Variants in LSM5 observed in about 807,000 individuals in gnomAD.
The protein encoded by LSM5 is U6 snRNA-associated Sm-like protein LSm5.
A neutral mutation model predicts 13.8 loss-of-function variants in LSM5; 8 were observed. The ratio of observed to expected loss-of-function variants is 0.58; its 90% CI spans 0.34 to 1.04. LSM5 has a LOEUF of 1.04. Among genes scored for constraint, LSM5 ranks in the 50% least tolerant of loss-of-function variants. The pLI, the probability that LSM5 is intolerant of heterozygous loss-of-function variation, is 0.03. For synonymous variants in LSM5, 35 were observed against 37.0 expected (o/e 0.95, Z 0.20); for missense variants, 80 against 108.1 (o/e 0.74, Z 1.15).
In LSM5 at chr7:32,487,068, GAAGAA is replaced by G; in HGVS notation, c.*188_*192del. 2 of 618,798 alleles carry G rather than the reference GAAGAA, an allele frequency of 3.2e-6. No homozygotes were observed. Among genetic ancestry groups the G allele is most frequent in the Non-Finnish European group, 5.7e-6 (2 of 352,670 alleles). The allele number at this position is 618,798 out of a possible 1,614,324, so 38.3% of individuals were successfully genotyped here. A position where few individuals can be genotyped will look rare whatever the true frequency, so the allele number is the denominator to read the frequency against. On this transcript the variant is annotated 3_prime_UTR_variant, in exon 5 of 5. Transcript: ENST00000450169. ...AAACACCTTTATTTTCATCTGCAAAGAAGAAGCTCTTTTCTTCTTTTTCCAGGATA... is the reference window on the plus strand; with the variant it reads ...AAACACCTTTATTTTCATCTGCAAAGGCTCTTTTCTTCTTTTTCCAGGATA...
At chr7:32,488,048 GTT>G (rs10653528) in intron 3 of LSM5, 24 of 264,500 alleles carry the variant, frequency 9.1e-5, no homozygotes, top group South Asian at 2.0e-4. Context: ...TGTTTTTTGG[GTT>G]TTTTTTTTTT....
At chr7:32,492,206 G>T (rs766294694), upstream of LSM5, among the ~76,000 whole-genome samples, 2 of 147,084 alleles carry the variant, frequency 1.4e-5, no homozygotes, top group Non-Finnish European at 2.9e-5. Flanking sequence ...TCAAAACATT[G>T]TTGTTATTTG....
At chr7:32,488,414 A>G (rs1786496725) in intron 3 of LSM5, 1 of 485,684 alleles carries the variant, frequency 2.1e-6, no homozygotes. Context: ...CTACCTTAAA[A>G]CTGTGTCTCC....
chr7:32,492,136 G>T (rs1786609152), upstream of LSM5, among the ~76,000 whole-genome samples: 1 of 151,666 alleles, frequency 6.6e-6, no homozygotes, highest in African/African-American at 2.4e-5. Flanking sequence ...CTCTTTTCCT[G>T]GTTTTCCTTT....
upstream of LSM5, among the ~76,000 whole-genome samples, chr7:32,493,155 G>C (rs1786629415): frequency 1.3e-5 from 2 of 152,154 alleles, no homozygotes; most frequent in Admixed American, 6.5e-5. Context: ...TATTAATTTA[G>C]AGACAAGACC....
intron 2 of LSM5, 43 bp downstream of exon 2, chr7:32,489,206 A>C: frequency 1.1e-6 from 1 of 929,074 alleles, no homozygotes; most frequent in South Asian, 1.4e-5. Flanking sequence ...TTATGTTATT[A>C]CTTAAGAAAA....
chr7:32,487,508 C>T (rs1313861050), intron 4 of LSM5, 177 bp downstream of exon 4: 1 of 667,488 alleles, frequency 1.5e-6, no homozygotes, highest in East Asian at 2.7e-5. Context: ...CCTTTAGACC[C>T]AATGCCTCTT....
Position 32,487,110 on chromosome 7 carries a change from C to A in LSM5, c.*151G>T. 3 of 671,018 alleles carry A rather than the reference C, an allele frequency of 4.5e-6. No individual in the cohort carries two copies. The South Asian group carries it at 5.2e-5, about 12-fold the overall frequency. The allele number at this position is 671,018 out of a possible 1,614,324, so 41.6% of individuals were successfully genotyped here. ...CTTTTTCCAGGATAATCATGATTAACTTACAAAAATGGGTACACATCTTCA... is the reference window on the plus strand; with the variant it reads ...CTTTTTCCAGGATAATCATGATTAAATTACAAAAATGGGTACACATCTTCA... On this transcript the variant is annotated 3_prime_UTR_variant, in exon 5 of 5. Coordinates refer to ENST00000450169, the MANE Select transcript of LSM5 (RefSeq NM_012322.3).
chr7:32,488,578 G>A (rs372338889), intron 3 of LSM5, 47 bp downstream of exon 3: 36 of 1,318,638 alleles, frequency 2.7e-5, no homozygotes, highest in Non-Finnish European at 3.5e-5. Flanking sequence ...TAGTAAAACT[G>A]TCTTTAATTA....
chr7:32,492,353 T>C (rs939406782), upstream of LSM5, among the ~76,000 whole-genome samples: 1 of 152,102 alleles, frequency 6.6e-6, no homozygotes, highest in Non-Finnish European at 1.5e-5. Flanking sequence ...TGAAACCCCA[T>C]CTCTACTAAG....
intron 1 of LSM5, chr7:32,489,979 C>T: frequency 8.1e-7 from 1 of 1,235,896 alleles, no homozygotes; most frequent in Non-Finnish European, 1.0e-6. Flanking sequence ...CATGGTCTAT[C>T]TAATCTGGGG....
At chr7:32,493,281 T>G (rs1786633527), upstream of LSM5, among the ~76,000 whole-genome samples, 1 of 152,126 alleles carries the variant, frequency 6.6e-6, no homozygotes, top group Non-Finnish European at 1.5e-5. Context: ...TCTGGCTATT[T>G]ATTTTTTATT....
intron 3 of LSM5, 26 bp downstream of exon 3, chr7:32,488,598 TC>T: frequency 1.3e-6 from 2 of 1,514,946 alleles, no homozygotes; most frequent in Non-Finnish European, 1.8e-6. Context: ...AAGAAGAGAT[TC>T]CCCCCAATTC....
chr7:32,490,420 C>T (rs1786557280), upstream of LSM5: 1 of 1,479,904 alleles, frequency 6.8e-7, no homozygotes, highest in Non-Finnish European at 9.5e-7. Context: ...TTGAAAAGCG[C>T]GCTTCCGCTT....
At chr7:32,494,372 T>C (rs1490459138), upstream of LSM5, among the ~76,000 whole-genome samples, 1 of 150,842 alleles carries the variant, frequency 6.6e-6, no homozygotes, top group East Asian at 2.0e-4. Flanking sequence ...AGAAAAGAAA[T>C]GTATAGCAGC....
chr7:32,490,491 G>T, upstream of LSM5: 2 of 757,004 alleles, frequency 2.6e-6, no homozygotes, highest in Non-Finnish European at 2.3e-6. Context: ...AGTCAGCTGC[G>T]TGGGTCGCGT....
chr7:32,493,851 ATATATCTTTTTT>A (rs1201910007), upstream of LSM5, among the ~76,000 whole-genome samples: 5 of 135,896 alleles, frequency 3.7e-5, no homozygotes, highest in African/African-American at 1.4e-4. Flanking sequence ...CTCTTTTTAT[ATATATCTTTTTT>A]TTTTTTAGAG....
At chr7:32,489,500 G>GC (rs1349596499) in intron 1 of LSM5, 156 bp from the exon 2 acceptor site, 5 of 589,552 alleles carry the variant, frequency 8.5e-6, no homozygotes, top group African/African-American at 7.7e-5. Flanking sequence ...TTCAAGCACA[G>GC]CATCTGGCAC....
intron 3 of LSM5, 115 bp from the exon 4 acceptor site, chr7:32,487,872 G>T (rs1786485265): frequency 1.6e-6 from 1 of 625,452 alleles, no homozygotes; most frequent in East Asian, 2.7e-5. Flanking sequence ...CACTGAGGTT[G>T]AGCAATTATA....
Sources: allele counts gnomAD v4.1 joint callset (sites outside exome capture counted in the v4.1 genomes callset), GRCh38; gene constraint gnomAD v4.1.1; transcripts MANE v1.5; gene names NCBI Gene and HGNC (gene_info 2026-07-23, HGNC 2026-07-21).